KCNH1: variants seen among roughly 807,000 people sequenced by gnomAD.
The protein encoded by KCNH1 is voltage-gated delayed rectifier potassium channel KCNH1.
Under a neutral mutation model 69.2 loss-of-function variants are expected in KCNH1, and 27 were observed. That is an observed-to-expected ratio of 0.39 (90% CI 0.29 to 0.54). The LOEUF is 0.54. Ranked by LOEUF, KCNH1 falls within the 20% of genes least tolerant of loss-of-function variation. KCNH1 has a pLI of 0.68. For synonymous variants in KCNH1, 456 were observed against 487.7 expected, an observed-to-expected ratio of 0.93 and a Z score of 0.86; for missense variants, 798 against 1,261.6, an observed-to-expected ratio of 0.63 and a Z score of 5.57.
intron 6 of KCNH1, among the ~76,000 whole-genome samples, chr1:210,973,234 C>T (rs189658368): frequency 6.6e-6 from 1 of 152,088 alleles, no homozygotes; most frequent in South Asian, 2.1e-4. Context: ...TAACATTTCT[C>T]AAATACTTAT....
intron 6 of KCNH1, among the ~76,000 whole-genome samples, chr1:211,005,856 T>C (rs971094926): frequency 1.3e-5 from 2 of 152,140 alleles, no homozygotes; most frequent in African/African-American, 4.8e-5. Context: ...AAAGGGTTCA[T>C]ATCCAGACTA....
At chr1:211,088,883 G>A (rs1691003342) in intron 4 of KCNH1, among the ~76,000 whole-genome samples, 1 of 152,162 alleles carries the variant, frequency 6.6e-6, no homozygotes, top group African/African-American at 2.4e-5. Flanking sequence ...ATGCATCATT[G>A]AGGCAGGTTA....
chr1:210,686,276 T>A (rs1681405620), intron 10 of KCNH1, among the ~76,000 whole-genome samples: 1 of 152,188 alleles, frequency 6.6e-6, no homozygotes, highest in African/African-American at 2.4e-5. Flanking sequence ...CTGTACACAC[T>A]GTGCTCTGTT....
intron 5 of KCNH1, among the ~76,000 whole-genome samples, chr1:211,056,518 G>T (rs1210695905): frequency 6.6e-6 from 1 of 151,764 alleles, no homozygotes; most frequent in Non-Finnish European, 1.5e-5. Flanking sequence ...CTTGCTGATT[G>T]TAGAGCCCTT....
At chr1:210,819,928 A>G (rs937659175) in intron 7 of KCNH1, among the ~76,000 whole-genome samples, 2 of 152,218 alleles carry the variant, frequency 1.3e-5, no homozygotes, top group Admixed American at 6.5e-5. Context: ...CCATGAAGAC[A>G]CTCAACCAGC....
chr1:210,903,525 T>A (rs1052295149), intron 7 of KCNH1, among the ~76,000 whole-genome samples: 2 of 152,182 alleles, frequency 1.3e-5, no homozygotes, highest in African/African-American at 2.4e-5. Flanking sequence ...TAGCAAAATT[T>A]TTTTCATGGA....
chr1:210,925,147 A>G (rs1687542214), intron 6 of KCNH1, among the ~76,000 whole-genome samples: 1 of 152,248 alleles, frequency 6.6e-6, no homozygotes, highest in East Asian at 1.9e-4. Flanking sequence ...TTCTCCAGTA[A>G]CAGACCCAAA....
intron 6 of KCNH1, among the ~76,000 whole-genome samples, chr1:210,981,048 TC>T (rs1402967409): frequency 5.3e-5 from 8 of 152,136 alleles, no homozygotes; most frequent in African/African-American, 1.9e-4. Flanking sequence ...AACTCTTATA[TC>T]CCTCTCTCTA....
intron 5 of KCNH1, among the ~76,000 whole-genome samples, chr1:211,082,256 T>A (rs1040701728): frequency 2.0e-5 from 3 of 152,232 alleles, no homozygotes; most frequent in Admixed American, 1.3e-4. Flanking sequence ...ACACTATTCC[T>A]AGATGTGTCT....
At chr1:210,896,023 G>A (rs1375712244) in intron 7 of KCNH1, among the ~76,000 whole-genome samples, 1 of 152,128 alleles carries the variant, frequency 6.6e-6, no homozygotes, top group Non-Finnish European at 1.5e-5. Flanking sequence ...TCAGAGTAGG[G>A]TATGTGAGAA....
chr1:210,927,195 T>A (rs1043170603), intron 6 of KCNH1, among the ~76,000 whole-genome samples: 3 of 151,918 alleles, frequency 2.0e-5, no homozygotes, highest in African/African-American at 7.3e-5. Flanking sequence ...GATCTAGACA[T>A]CCAAATAAAA....
At chr1:211,103,337 G>C (rs190527247) in intron 3 of KCNH1, among the ~76,000 whole-genome samples, 159 bp downstream of exon 3, 7 of 152,326 alleles carry the variant, frequency 4.6e-5, no homozygotes, top group Non-Finnish European at 7.4e-5. Flanking sequence ...CAGTGTAAGT[G>C]ATCAATCTAT....
intron 10 of KCNH1, among the ~76,000 whole-genome samples, chr1:210,743,280 G>A (rs1683078496): frequency 6.6e-6 from 1 of 152,176 alleles, no homozygotes; most frequent in African/African-American, 2.4e-5. Context: ...GCCAGTCCGA[G>A]TGTCCTGAAA....
chr1:210,686,601 G>A (rs893557821), intron 10 of KCNH1, among the ~76,000 whole-genome samples: 1 of 152,226 alleles, frequency 6.6e-6, no homozygotes, highest in Admixed American at 6.5e-5. Context: ...AGGGGAAGGA[G>A]AGAAATGGGT....
intron 7 of KCNH1, among the ~76,000 whole-genome samples, chr1:210,856,166 C>G (rs1685832350): frequency 6.6e-6 from 1 of 152,160 alleles, no homozygotes; most frequent in Non-Finnish European, 1.5e-5. Context: ...CCATATTTAG[C>G]TAGAGTCCAC....
chr1:210,814,600 T>C (rs1246583169), intron 7 of KCNH1, among the ~76,000 whole-genome samples: 1 of 152,320 alleles, frequency 6.6e-6, no homozygotes, highest in African/African-American at 2.4e-5. Flanking sequence ...TTCATGGCCC[T>C]GTCACTAAGT....
At chr1:210,924,887 T>C (rs1687536381) in intron 6 of KCNH1, among the ~76,000 whole-genome samples, 1 of 148,664 alleles carries the variant, frequency 6.7e-6, no homozygotes. Flanking sequence ...CAGATACCAA[T>C]GACATTGACT....
intron 1 of KCNH1, among the ~76,000 whole-genome samples, chr1:211,115,728 T>TATATATATATATATATATATAG (rs1558611409): frequency 1.1e-5 from 1 of 88,080 alleles, no homozygotes; most frequent in Non-Finnish European, 2.1e-5. Flanking sequence ...TATATATATA[T>TATATATATATATATATATATAG]ATACACACAC....
At chr1:210,974,143 G>A (rs924265318) in intron 6 of KCNH1, among the ~76,000 whole-genome samples, 1 of 151,802 alleles carries the variant, frequency 6.6e-6, no homozygotes, top group Non-Finnish European at 1.5e-5. Context: ...TCACTGTCAC[G>A]ATGTTAGCTG....
Sources: gnomAD v4.1 joint callset for allele counts (sites outside exome capture counted in the v4.1 genomes callset) on GRCh38, gnomAD v4.1.1 for gene constraint, MANE v1.5 for transcripts, NCBI Gene and HGNC (gene_info 2026-07-23, HGNC 2026-07-21) for gene names.